The following LRMDA variants were observed in gnomAD, a reference collection of about 807,000 sequenced individuals.
The protein encoded by LRMDA is leucine rich melanocyte differentiation associated, also known as leucine-rich melanocyte differentiation-associated protein.
Under a neutral mutation model 29.8 loss-of-function variants are expected in LRMDA, and 18 were observed. The ratio of observed to expected loss-of-function variants is 0.60; its 90% CI spans 0.42 to 0.90. LRMDA has a LOEUF of 0.90. Ranked by LOEUF, LRMDA falls within the 40% of genes least tolerant of loss-of-function variation. The probability of loss-of-function intolerance (pLI) is 0.00; values close to 1 mark genes in which losing one functional copy is unlikely to be tolerated. For synonymous variants in LRMDA, 125 were observed against 109.4 expected (o/e 1.14, Z -0.89); for missense variants, 273 against 273.9 (o/e 1.00, Z 0.02).
chr10:75,894,620 A>G (rs894952528), intron 2 of LRMDA, among the ~76,000 whole-genome samples: 5 of 152,154 alleles, frequency 3.3e-5, no homozygotes, highest in Non-Finnish European at 5.9e-5. Flanking sequence ...ACTGCTTTGG[A>G]AGGATAGTTG....
chr10:75,497,693 A>G (rs915825742), intron 2 of LRMDA, among the ~76,000 whole-genome samples: 5 of 150,772 alleles, frequency 3.3e-5, no homozygotes, highest in African/African-American at 1.2e-4. Context: ...ACGACTTCAC[A>G]CAATTAAGAT....
At chr10:76,012,775 C>T (rs1026976125) in intron 2 of LRMDA, among the ~76,000 whole-genome samples, 5 of 152,136 alleles carry the variant, frequency 3.3e-5, no homozygotes, top group African/African-American at 1.2e-4. Flanking sequence ...AGTGTCTTTT[C>T]CTGCATAATT....
At chr10:75,955,757 C>T (rs566666767) in intron 2 of LRMDA, among the ~76,000 whole-genome samples, 2 of 152,178 alleles carry the variant, frequency 1.3e-5, no homozygotes, top group Admixed American at 6.5e-5. Flanking sequence ...TACATTTGTT[C>T]GTATTTTTGG....
chr10:76,032,927 G>C (rs186912360), intron 2 of LRMDA, among the ~76,000 whole-genome samples: 1 of 152,062 alleles, frequency 6.6e-6, no homozygotes, highest in South Asian at 2.1e-4. Flanking sequence ...CCATACACAA[G>C]GTGATAGCAG....
intron 6 of LRMDA, among the ~76,000 whole-genome samples, chr10:76,419,762 T>A (rs1842054296): frequency 6.6e-6 from 1 of 152,124 alleles, no homozygotes; most frequent in Non-Finnish European, 1.5e-5. Flanking sequence ...TATCCATTTT[T>A]AAAATTGGGT....
At chr10:75,481,616 C>A (rs762359896) in intron 2 of LRMDA, among the ~76,000 whole-genome samples, 1 of 152,210 alleles carries the variant, frequency 6.6e-6, no homozygotes, top group Non-Finnish European at 1.5e-5. Context: ...TCCACTCACG[C>A]ATCCTCTATT....
chr10:75,554,322 G>T (rs1840188561), intron 2 of LRMDA, among the ~76,000 whole-genome samples: 1 of 152,162 alleles, frequency 6.6e-6, no homozygotes. Flanking sequence ...TTCCAAATGG[G>T]AAGCAATGAA....
At chr10:75,744,501 A>G (rs1727160754) in intron 2 of LRMDA, among the ~76,000 whole-genome samples, 1 of 152,210 alleles carries the variant, frequency 6.6e-6, no homozygotes, top group Non-Finnish European at 1.5e-5. Context: ...TGTTGCTTCT[A>G]GGAGCCAGAA....
At chr10:76,401,264 G>A (rs574049486) in intron 6 of LRMDA, among the ~76,000 whole-genome samples, 3 of 152,274 alleles carry the variant, frequency 2.0e-5, no homozygotes, top group Admixed American at 6.5e-5. Flanking sequence ...GCAAGCCAGT[G>A]TGCCCACAGG....
chr10:76,082,841 G>A (rs780393198), intron 5 of LRMDA, among the ~76,000 whole-genome samples: 10 of 152,218 alleles, frequency 6.6e-5, no homozygotes, highest in Admixed American at 1.3e-4. Flanking sequence ...TAAATATCCC[G>A]ATGAAATTCT....
At chr10:76,290,118 A>C (rs1011178473) in intron 5 of LRMDA, among the ~76,000 whole-genome samples, 3 of 152,224 alleles carry the variant, frequency 2.0e-5, no homozygotes, top group African/African-American at 7.2e-5. Flanking sequence ...ATGAGTTACC[A>C]GTGTATGTAG....
At chr10:75,523,716 C>T (rs2915022) in intron 2 of LRMDA, among the ~76,000 whole-genome samples, 121,324 of 152,122 alleles carry the variant, frequency 0.8, 49,910 homozygotes, top group Non-Finnish European at 0.9. Context: ...GTGGCTACTC[C>T]AGTAATAATA....
chr10:75,864,650 C>G (rs1404438089), intron 2 of LRMDA, among the ~76,000 whole-genome samples: 3 of 152,188 alleles, frequency 2.0e-5, no homozygotes, highest in African/African-American at 7.2e-5. Flanking sequence ...GTTAGTAACT[C>G]AACATTTGCT....
intron 2 of LRMDA, among the ~76,000 whole-genome samples, chr10:76,018,845 C>T (rs996715739): frequency 2.6e-5 from 4 of 152,194 alleles, no homozygotes; most frequent in South Asian, 2.1e-4. Flanking sequence ...GGATTATAGG[C>T]GTGAGTGAGC....
chr10:76,308,483 T>C (rs12412582), intron 5 of LRMDA, among the ~76,000 whole-genome samples: 1,739 of 152,210 alleles, frequency 0.011, 119 homozygotes, highest in Admixed American at 0.11. Flanking sequence ...ACTACTTCCA[T>C]GGACCGAGAC....
chr10:76,386,871 CA>C (rs2132478579), intron 6 of LRMDA, among the ~76,000 whole-genome samples: 1 of 151,836 alleles, frequency 6.6e-6, no homozygotes, highest in East Asian at 1.9e-4. Flanking sequence ...TGAACAACAA[CA>C]AAAAATCCAG....
rs574129460 is a variant in LRMDA at position 75,919,658 on chromosome 10, C to T, written c.132-116350C>T. ...CATCTCATGAAAACTCAATGGCTTA[C>T]CCCCCGAAAAAGGCTTTCTGAAATC... On this transcript the variant is annotated intron_variant, in intron 2 of 6. Transcript: ENST00000611255. Among the ~76,000 whole-genome samples the T allele has an allele frequency of 5.9e-5, 9 of 152,158 alleles. No homozygotes were observed. The South Asian group carries it at 1.0e-3, about 18-fold the overall frequency.
At chr10:76,362,610 C>T (rs986693050) in intron 6 of LRMDA, among the ~76,000 whole-genome samples, 2 of 151,830 alleles carry the variant, frequency 1.3e-5, no homozygotes, top group African/African-American at 4.8e-5. Flanking sequence ...TGTTTGTACC[C>T]CCCTGGTGGG....
intron 5 of LRMDA, among the ~76,000 whole-genome samples, chr10:76,297,105 G>T (rs1840420255): frequency 6.6e-6 from 1 of 152,222 alleles, no homozygotes; most frequent in Non-Finnish European, 1.5e-5. Flanking sequence ...ATGATCCGCA[G>T]ATACCTTCTG....
Sources: gnomAD v4.1 joint callset for allele counts (sites outside exome capture counted in the v4.1 genomes callset) on GRCh38, gnomAD v4.1.1 for gene constraint, MANE v1.5 for transcripts, NCBI Gene and HGNC (gene_info 2026-07-23, HGNC 2026-07-21) for gene names.